The following ZFP2 variants were observed in gnomAD, a reference collection of about 807,000 sequenced individuals.
ZFP2 encodes the protein zinc finger protein ZFP2.
A neutral mutation model predicts 36.1 loss-of-function variants in ZFP2; 33 were observed. That is an observed-to-expected ratio of 0.92 (90% confidence interval 0.69 to 1.22). ZFP2 has a LOEUF of 1.22. Ranked by LOEUF, ZFP2 falls within the 50% of genes most tolerant of loss-of-function variation. The probability of loss-of-function intolerance (pLI) is 0.00; values close to 1 mark genes in which losing one functional copy is unlikely to be tolerated. For missense variants in ZFP2, 522 were observed against 551.4 expected, an observed-to-expected ratio of 0.95 and a Z score of 0.53; for synonymous variants, 170 against 178.0, an observed-to-expected ratio of 0.96 and a Z score of 0.36.
intron 4 of ZFP2, among the ~76,000 whole-genome samples, chr5:178,930,314 CTTTTTTT>C (rs990713790): frequency 2.8e-5 from 2 of 71,324 alleles, no homozygotes; most frequent in Non-Finnish European, 4.9e-5. Flanking sequence ...TTTCCCTTTC[CTTTTTTT>C]TTTTTTTTTT....
In ZFP2 at chr5:178,931,295, TTTATGCCATGGGGTAACAA is replaced by T; in HGVS notation, c.-17_2del. On this transcript the variant is annotated start_lost and 5_prime_UTR_variant, in exon 5 of 5. Coordinates refer to ENST00000361362, the MANE Select transcript of ZFP2 (RefSeq NM_030613.4). Reference sequence around the variant, plus strand: ...CTCCGAAGCCGGGTATTACTGAAGATTTATGCCATGGGGTAACAATGGAAAGGGAAGGTATCTGGCATTC... The same window carrying T: ...CTCCGAAGCCGGGTATTACTGAAGATTGGAAAGGGAAGGTATCTGGCATTC... 6.4e-7 allele frequency: 1 copy of T among 1,562,484 alleles called. No homozygotes were observed. The highest frequency in any genetic ancestry group is 8.6e-7 in the Non-Finnish European group (1 of 1,157,650).
In ZFP2 at chr5:178,919,498, CTAGGTT is replaced by C. The variant is rs111877315; in HGVS notation, c.-78+2791_-78+2796del. Reference sequence around the variant, plus strand: ...GAAAGATTTTTGCTAATATAGAACTCTAGGTTTATGGTTATTTCTTTCAGCACTTTG... The same window carrying C: ...GAAAGATTTTTGCTAATATAGAACTCTATGGTTATTTCTTTCAGCACTTTG... On this transcript the variant is annotated intron_variant, in intron 4 of 4. Coordinates refer to ENST00000361362, the MANE Select transcript of ZFP2 (RefSeq NM_030613.4). Among the ~76,000 whole-genome samples the C allele has an allele frequency of 4.2e-3, 639 of 152,226 alleles. 4 individuals carry two copies. The highest frequency in any genetic ancestry group is 0.015 in the African/African-American group (607 of 41,532).
intron 1 of ZFP2, among the ~76,000 whole-genome samples, chr5:178,898,716 G>A (rs1334057495): frequency 1.3e-5 from 2 of 152,160 alleles, no homozygotes; most frequent in Non-Finnish European, 2.9e-5. Flanking sequence ...CCTTCCTCCT[G>A]TACTGCATGT....
chr5:178,924,974 C>T (rs1324175820), intron 4 of ZFP2, among the ~76,000 whole-genome samples: 2 of 148,178 alleles, frequency 1.3e-5, no homozygotes, highest in African/African-American at 2.4e-5. Flanking sequence ...TTACCTCTCT[C>T]TACCCAAGAT....
At chr5:178,910,588 G>A (rs1581832810) in intron 1 of ZFP2, 2 of 461,430 alleles carry the variant, frequency 4.3e-6, no homozygotes, top group East Asian at 4.9e-5. Flanking sequence ...TCTTACACTT[G>A]GTGACACACT....
chr5:178,907,830 C>G (rs1758197742), intron 1 of ZFP2, among the ~76,000 whole-genome samples: 1 of 152,328 alleles, frequency 6.6e-6, no homozygotes, highest in African/African-American at 2.4e-5. Flanking sequence ...AAGTCTACTT[C>G]CAGCAAAACT....
At chr5:178,913,858 C>CT (rs1217671563) in intron 3 of ZFP2, 1,920 of 129,654 alleles carry the variant, frequency 0.015, 17 homozygotes, top group Non-Finnish European at 0.02. Context: ...CTTTTTTTTT[C>CT]TTTTTTTTTT....
intron 2 of ZFP2, 21 bp downstream of exon 2, chr5:178,912,740 A>G: frequency 9.4e-7 from 1 of 1,060,910 alleles, no homozygotes. Context: ...CTTGTAACTC[A>G]AAACCCACCT....
intron 1 of ZFP2, among the ~76,000 whole-genome samples, chr5:178,912,082 G>A (rs542332923): frequency 3.5e-4 from 54 of 152,210 alleles, no homozygotes; most frequent in Non-Finnish European, 6.2e-4. Context: ...GCAGTAAGCC[G>A]AGAACGTGCC....
rs1297672931 is a variant in ZFP2 at position 178,909,158 on chromosome 5, G to A, written c.-449-3426G>A. Among the ~76,000 whole-genome samples the A allele has an allele frequency of 3.4e-5, 5 of 146,704 alleles. No homozygotes were observed. The East Asian group carries it at 8.4e-4, about 25-fold the overall frequency. The stretch of plus-strand genomic sequence containing the variant: ...CAGGGCTCAGGGCGTAAAACCCCTC[G>A]TGGCCTGGATGGAATCCAGGGCTCA... On this transcript the variant is annotated intron_variant, in intron 1 of 4. Coordinates refer to ENST00000361362, the MANE Select transcript of ZFP2 (RefSeq NM_030613.4).
At chr5:178,896,333 G>A (rs1196449282) in intron 1 of ZFP2, among the ~76,000 whole-genome samples, 1 of 152,242 alleles carries the variant, frequency 6.6e-6, no homozygotes, top group Non-Finnish European at 1.5e-5. Context: ...GGTTCCAAGA[G>A]TCGCTCGGAC....
At chr5:178,903,662 G>C (rs544596240) in intron 1 of ZFP2, among the ~76,000 whole-genome samples, 15 of 152,164 alleles carry the variant, frequency 9.9e-5, no homozygotes, top group South Asian at 8.3e-4. Flanking sequence ...CTCTTTACTT[G>C]GCTTTGGGAT....
At chr5:178,929,933 G>A (rs1283263412) in intron 4 of ZFP2, among the ~76,000 whole-genome samples, 1 of 141,610 alleles carries the variant, frequency 7.1e-6, no homozygotes, top group African/African-American at 2.5e-5. Context: ...GCCAGCATCT[G>A]CTTGACGGTG....
At chr5:178,916,304 A>C (rs573157964) in intron 3 of ZFP2, among the ~76,000 whole-genome samples, 1 of 152,320 alleles carries the variant, frequency 6.6e-6, no homozygotes, top group African/African-American at 2.4e-5. Flanking sequence ...TGGGCAGAAA[A>C]GTGAAGAGGA....
At chr5:178,915,532 T>C (rs1387677853) in intron 3 of ZFP2, among the ~76,000 whole-genome samples, 1 of 151,930 alleles carries the variant, frequency 6.6e-6, no homozygotes, top group East Asian at 1.9e-4. Context: ...CAGGCTGGTC[T>C]CAAACTCCTG....
chr5:178,906,259 G>A (rs1177005590), intron 1 of ZFP2, among the ~76,000 whole-genome samples: 4 of 152,164 alleles, frequency 2.6e-5, no homozygotes, highest in Non-Finnish European at 5.9e-5. Flanking sequence ...TTTGCCTTCT[G>A]TATTCAGCTA....
intron 1 of ZFP2, chr5:178,909,707 C>CT (rs1310458722): frequency 6.6e-7 from 1 of 1,505,670 alleles, no homozygotes; most frequent in Non-Finnish European, 8.9e-7. Flanking sequence ...GACAGAGCCA[C>CT]TAAGTCTGCT....
rs550070682 is a variant in ZFP2, at chr5:178,911,111, A to G, written c.-449-1473A>G. Among the ~76,000 whole-genome samples, 18 of 152,228 alleles carry G rather than the reference A, an allele frequency of 1.2e-4. No homozygotes were observed. In the South Asian group the frequency reaches 1.2e-3, roughly 11 times the overall value. ...GAAATTCTGCACTTTTCCTGAAAAT[A>G]TTTGTCAGTGATTTTTAATATATTT... On this transcript the variant is annotated intron_variant, in intron 1 of 4. Transcript: ENST00000361362.
At chr5:178,929,217 G>A (rs115791646) in intron 4 of ZFP2, among the ~76,000 whole-genome samples, 3,296 of 152,318 alleles carry the variant, frequency 0.022, 111 homozygotes, top group African/African-American at 0.075. Flanking sequence ...TTTCCCCATT[G>A]TCTTGGCTTA....
Sources: gnomAD v4.1 joint callset for allele counts (sites outside exome capture counted in the v4.1 genomes callset) on GRCh38, gnomAD v4.1.1 for gene constraint, MANE v1.5 for transcripts, NCBI Gene and HGNC (gene_info 2026-07-23, HGNC 2026-07-21) for gene names.